CACNA1C: variants seen among roughly 807,000 people sequenced by gnomAD.
CACNA1C encodes the protein calcium voltage-gated channel subunit alpha1 C, also known as voltage-dependent L-type calcium channel subunit alpha-1C.
A neutral mutation model predicts 229.0 loss-of-function variants in CACNA1C; 30 were observed. The observed-to-expected ratio is 0.13, with a 90% CI of 0.10 to 0.18. The LOEUF is 0.18. CACNA1C is among the 10% of genes least tolerant of loss of function. The pLI is 1.00. For missense variants in CACNA1C, 1,658 were observed against 2,845.0 expected, an observed-to-expected ratio of 0.58 and a Z score of 9.49; for synonymous variants, 1,114 against 1,132.5, an observed-to-expected ratio of 0.98 and a Z score of 0.33.
chr12:2,487,022 A>G (rs1169922304), intron 6 of CACNA1C, among the ~76,000 whole-genome samples: 4 of 152,210 alleles, frequency 2.6e-5, no homozygotes, highest in Non-Finnish European at 5.9e-5. Flanking sequence ...CTTGCAGGAT[A>G]TGCTGCAAGC....
At chr12:2,281,862 AT>A (rs530416693) in intron 3 of CACNA1C, among the ~76,000 whole-genome samples, 235 of 149,496 alleles carry the variant, frequency 1.6e-3, no homozygotes, top group Middle Eastern at 6.8e-3. Flanking sequence ...ATTATTTATA[AT>A]TTTTTTTTTG....
intron 3 of CACNA1C, among the ~76,000 whole-genome samples, chr12:2,405,236 C>T (rs2154552097): frequency 6.6e-6 from 1 of 152,300 alleles, no homozygotes; most frequent in South Asian, 2.1e-4. Context: ...CCAATAGTCA[C>T]ACCATATGTA....
chr12:2,044,457 G>A (rs112135837), intron 1 of CACNA1C, among the ~76,000 whole-genome samples: 13 of 152,288 alleles, frequency 8.5e-5, no homozygotes, highest in African/African-American at 2.4e-4. Flanking sequence ...CTAGCAGGGC[G>A]GTGGTGATTA....
At chr12:2,334,429 A>G (rs1238931577) in intron 3 of CACNA1C, among the ~76,000 whole-genome samples, 2 of 152,204 alleles carry the variant, frequency 1.3e-5, no homozygotes, top group Admixed American at 1.3e-4. Context: ...ACTTCCAACT[A>G]GCAGACTGGG....
intron 3 of CACNA1C, among the ~76,000 whole-genome samples, chr12:2,218,845 G>C (rs1162103588): frequency 6.6e-6 from 1 of 152,214 alleles, no homozygotes; most frequent in African/African-American, 2.4e-5. Flanking sequence ...GCATCTGGCA[G>C]CTGCTGGCCA....
chr12:2,559,285 A>C (rs1286450196), intron 11 of CACNA1C, among the ~76,000 whole-genome samples: 1 of 152,242 alleles, frequency 6.6e-6, no homozygotes, highest in East Asian at 1.9e-4. Context: ...TAAATGAATG[A>C]ATGAATGAAT....
At chr12:2,205,249 T>G (rs577503877) in intron 3 of CACNA1C, among the ~76,000 whole-genome samples, 85 of 152,142 alleles carry the variant, frequency 5.6e-4, no homozygotes, top group Non-Finnish European at 1.1e-3. Flanking sequence ...AGCCAGTGTG[T>G]GGAGGTGCAG....
intron 13 of CACNA1C, among the ~76,000 whole-genome samples, chr12:2,576,317 G>A (rs1040857562): frequency 6.6e-6 from 1 of 152,176 alleles, no homozygotes; most frequent in African/African-American, 2.4e-5. Flanking sequence ...AGAGTGTCTG[G>A]GGGGTGATCT....
At chr12:2,514,993 A>G (rs1038588931) in intron 9 of CACNA1C, among the ~76,000 whole-genome samples, 5 of 152,238 alleles carry the variant, frequency 3.3e-5, no homozygotes, top group Non-Finnish European at 7.3e-5. Flanking sequence ...CAGTCTCGCT[A>G]AGATTTTCCT....
chr12:2,566,302 G>T lies in CACNA1C; in HGVS notation c.1509-120G>T. ...AAGCTGGGCTCCTTGCCACCAGATT[G>T]GGCTGCTCTAGCAAGGCCAGATCAG... On this transcript the variant is annotated intron_variant, in intron 11 of 46. Transcript: ENST00000399655. This position sits in a 1 kb window ranked among gnomAD's most constrained non-coding sequence, Gnocchi z 4.0. 1 of 888,282 alleles carries T rather than the reference G, an allele frequency of 1.1e-6. No individual in the cohort carries two copies. The highest frequency in any genetic ancestry group is 1.7e-6 in the Non-Finnish European group (1 of 597,806). 55.0% of individuals were successfully genotyped at this position (888,282 alleles called of 1,614,324 possible).
chr12:2,277,356 C>T (rs1312229952), intron 3 of CACNA1C, among the ~76,000 whole-genome samples: 2 of 71,510 alleles, frequency 2.8e-5, no homozygotes. Flanking sequence ...GACAGACAGA[C>T]AGACAGACAC....
chr12:2,394,258 C>G (rs1018580932), intron 3 of CACNA1C, among the ~76,000 whole-genome samples: 3 of 152,358 alleles, frequency 2.0e-5, no homozygotes, highest in Middle Eastern at 3.4e-3. Flanking sequence ...TGGCTTCTCT[C>G]TGGTATGGAC....
chr12:1,989,075 T>C (rs1418833347), intron 1 of CACNA1C, among the ~76,000 whole-genome samples: 1 of 152,228 alleles, frequency 6.6e-6, no homozygotes, highest in African/African-American at 2.4e-5. Context: ...ATTCAACTTG[T>C]TGGCCTAGCT....
In CACNA1C at chr12:2,108,417, A is replaced by T. The variant is rs966583611; in HGVS notation, c.50-6807A>T. Among the ~76,000 whole-genome samples the T allele has an allele frequency of 6.6e-6, 1 of 152,248 alleles. No homozygotes were observed. Among genetic ancestry groups the T allele is most frequent in the African/African-American group, 2.4e-5 (1 of 41,466 alleles). On this transcript the variant is annotated intron_variant, in intron 1 of 46. Coordinates refer to ENST00000399655, the MANE Select transcript of CACNA1C (RefSeq NM_000719.7). This position sits in a 1 kb window ranked among gnomAD's most constrained non-coding sequence, Gnocchi z 5.3. ...GATCACACCGCCTTATGCATGATCC[A>T]GGAATCAGGAAGCCACTGGTGTGGC...
At position 2,677,993 on chromosome 12, in the gene CACNA1C, C is replaced by T. The variant is rs574772714; in HGVS notation, c.5091+126C>T. 28 of 1,125,890 alleles carry T rather than the reference C, an allele frequency of 2.5e-5. No homozygotes were observed. Among genetic ancestry groups the T allele is most frequent in the Non-Finnish European group, 3.3e-5 (26 of 776,240 alleles). The allele number at this position is 1,125,890 out of a possible 1,614,324, so 69.7% of individuals were successfully genotyped here. ...ACCAGAGGAAAGGGCTACTTCCAGG[C>T]TCTTCCTGATGAGCTGTCTCCTCAC... On this transcript the variant is annotated intron_variant, in intron 41 of 46. Coordinates refer to ENST00000399655, the MANE Select transcript of CACNA1C (RefSeq NM_000719.7). This position sits in a 1 kb window ranked among gnomAD's most constrained non-coding sequence, Gnocchi z 7.4.
At chr12:2,494,704 G>C (rs1462338219) in intron 7 of CACNA1C, among the ~76,000 whole-genome samples, 1 of 152,186 alleles carries the variant, frequency 6.6e-6, no homozygotes, top group Non-Finnish European at 1.5e-5. Flanking sequence ...ACGGAGATTT[G>C]GTGCACAGTA....
At chr12:2,609,648 G>A (rs1006165135) in intron 27 of CACNA1C, among the ~76,000 whole-genome samples, 4 of 151,326 alleles carry the variant, frequency 2.6e-5, no homozygotes, top group Admixed American at 6.6e-5. Flanking sequence ...GTTGGACACC[G>A]GGGCTGAGGG....
At chr12:2,533,913 C>G (rs2099846981) in intron 9 of CACNA1C, among the ~76,000 whole-genome samples, 1 of 152,200 alleles carries the variant, frequency 6.6e-6, no homozygotes, top group Non-Finnish European at 1.5e-5. Flanking sequence ...AGCGCTTGAA[C>G]AGCCACACTG....
intron 12 of CACNA1C, among the ~76,000 whole-genome samples, chr12:2,567,221 C>G (rs2051532325): frequency 6.6e-6 from 1 of 152,324 alleles, no homozygotes; most frequent in Admixed American, 6.5e-5. Flanking sequence ...CAACTGTTGG[C>G]TGTTTGGCCT....
Sources: gnomAD v4.1 joint callset for allele counts (sites outside exome capture counted in the v4.1 genomes callset) on GRCh38, gnomAD v4.1.1 for gene constraint, Gnocchi (gnomAD v3.1) non-coding constraint, MANE v1.5 for transcripts, NCBI Gene and HGNC (gene_info 2026-07-23, HGNC 2026-07-21) for gene names.